IGF2BP3: variants seen among roughly 807,000 people sequenced by gnomAD.
IGF2BP3 encodes insulin like growth factor 2 mRNA binding protein 3.
IGF2BP3 carries 9 observed loss-of-function variants against 73.8 expected under a neutral mutation model. That is an observed-to-expected ratio of 0.12 (90% confidence interval 0.07 to 0.21). IGF2BP3 has a LOEUF of 0.21. Ranked by LOEUF, IGF2BP3 falls within the 10% of genes least tolerant of loss-of-function variation. IGF2BP3 has a pLI of 1.00. For missense variants in IGF2BP3, 542 were observed against 714.0 expected, an observed-to-expected ratio of 0.76 and a Z score of 2.75; for synonymous variants, 258 against 256.7, an observed-to-expected ratio of 1.01 and a Z score of -0.05.
intron 10 of IGF2BP3, among the ~76,000 whole-genome samples, chr7:23,340,267 T>C (rs1366481279): frequency 6.6e-6 from 1 of 152,142 alleles, no homozygotes; most frequent in Non-Finnish European, 1.5e-5. Context: ...TTCTGTTACA[T>C]GATTTCCAGG....
At chr7:23,441,687 T>C (rs1406887398) in intron 2 of IGF2BP3, among the ~76,000 whole-genome samples, 1 of 147,224 alleles carries the variant, frequency 6.8e-6, no homozygotes, top group African/African-American at 2.5e-5. Context: ...CTACCAGAAA[T>C]TGCAAATTAC....
intron 3 of IGF2BP3, among the ~76,000 whole-genome samples, chr7:23,412,748 T>C (rs1787063811): frequency 6.6e-6 from 1 of 151,588 alleles, no homozygotes; most frequent in Non-Finnish European, 1.5e-5. Flanking sequence ...ATTTTTTGAG[T>C]ACTTATTAGG....
intron 3 of IGF2BP3, among the ~76,000 whole-genome samples, chr7:23,374,990 T>C (rs750454784): frequency 3.3e-5 from 5 of 152,222 alleles, no homozygotes; most frequent in Non-Finnish European, 5.9e-5. Flanking sequence ...TTTTATATTA[T>C]GTGAATTTCT....
chr7:23,377,824 G>C (rs982209710), intron 3 of IGF2BP3, among the ~76,000 whole-genome samples: 7 of 152,160 alleles, frequency 4.6e-5, no homozygotes, highest in African/African-American at 1.7e-4. Context: ...AAAATATTAT[G>C]CTAAGTGAAG....
At chr7:23,439,820 T>C (rs572171305) in intron 2 of IGF2BP3, among the ~76,000 whole-genome samples, 6 of 152,248 alleles carry the variant, frequency 3.9e-5, no homozygotes, top group Non-Finnish European at 5.9e-5. Flanking sequence ...GCACCAAAGA[T>C]AGAAACAAAT....
At chr7:23,458,440 G>A (rs1162806415) in intron 2 of IGF2BP3, among the ~76,000 whole-genome samples, 1 of 151,620 alleles carries the variant, frequency 6.6e-6, no homozygotes, top group Non-Finnish European at 1.5e-5. Context: ...TTTTCTGCAT[G>A]TCAGGGTCAT....
intron 3 of IGF2BP3, among the ~76,000 whole-genome samples, chr7:23,410,360 A>G (rs977744139): frequency 6.6e-6 from 1 of 152,184 alleles, no homozygotes; most frequent in Non-Finnish European, 1.5e-5. Context: ...TTCTGTCTCA[A>G]TCAACTGATA....
chr7:23,338,925 A>ATTGTATCAC (rs1447399344), intron 10 of IGF2BP3, among the ~76,000 whole-genome samples: 1 of 152,254 alleles, frequency 6.6e-6, no homozygotes, highest in Non-Finnish European at 1.5e-5. Context: ...TGAGAACTCC[A>ATTGTATCAC]TTGTATCACT....
At chr7:23,438,338 T>C (rs1352116865) in intron 2 of IGF2BP3, among the ~76,000 whole-genome samples, 4 of 152,292 alleles carry the variant, frequency 2.6e-5, no homozygotes, top group African/African-American at 9.6e-5. Flanking sequence ...GGTCTTGAAT[T>C]CCTGAGCTTA....
intron 3 of IGF2BP3, among the ~76,000 whole-genome samples, chr7:23,380,243 A>G (rs568802226): frequency 7.0e-6 from 1 of 142,872 alleles, no homozygotes; most frequent in South Asian, 2.2e-4. Context: ...AGCTCACTGC[A>G]ACCTCCGCCT....
chr7:23,351,380 G>A lies in IGF2BP3; in HGVS notation c.608C>T (p.Pro203Leu). ...PCDLPLRLLV[P>L]TQFVGAIIGK... is the part of the protein sequence containing the mutation. ...TATGATGGCTCCAACAAATTGGGTG[G>A]GAACCAGCAGGCGCAGAGGCAAATC... is the stretch of plus-strand genomic sequence containing the variant. The change falls in exon 6 of 15, where the codon CCC becomes CTC. Residue 203 changes from proline to leucine, a missense_variant. Transcript: ENST00000258729. The A allele has an allele frequency of 1.9e-6, 3 of 1,613,934 alleles. No individual in the cohort carries two copies. The highest frequency in any genetic ancestry group is 2.5e-6 in the Non-Finnish European group (3 of 1,179,954).
intron 3 of IGF2BP3, among the ~76,000 whole-genome samples, chr7:23,403,951 T>C (rs923230085): frequency 6.6e-6 from 1 of 151,416 alleles, no homozygotes; most frequent in Non-Finnish European, 1.5e-5. Flanking sequence ...AGCAAGACCC[T>C]GTTTGTAAAA....
chr7:23,409,167 C>T (rs1211120816), intron 3 of IGF2BP3, among the ~76,000 whole-genome samples: 1 of 152,202 alleles, frequency 6.6e-6, no homozygotes, highest in Non-Finnish European at 1.5e-5. Context: ...TCACTTGCCA[C>T]TCACCTCCTG....
At chr7:23,412,786 G>A (rs976845134) in intron 3 of IGF2BP3, among the ~76,000 whole-genome samples, 6 of 132,266 alleles carry the variant, frequency 4.5e-5, no homozygotes, top group African/African-American at 1.1e-4. Context: ...CTGGAGAGTA[G>A]TTTCAAGGAA....
rs1330506825 is a variant in IGF2BP3 at position 23,400,385 on chromosome 7, C to G, written c.285+18391G>C. ...AGGTGGTTTTGGACTTAGAGAGCCA[C>G]AGCTGACCTTGTCCTGCTCCTCCAG... On this transcript the variant is annotated intron_variant, in intron 3 of 14. Transcript: ENST00000258729. Among the ~76,000 whole-genome samples the G allele has an allele frequency of 2.0e-5, 3 of 152,178 alleles. No homozygotes were observed. The East Asian group carries it at 5.8e-4, about 29-fold the overall frequency.
intron 13 of IGF2BP3, 50 bp from the exon 14 acceptor site, chr7:23,312,898 C>G: frequency 8.7e-7 from 1 of 1,147,706 alleles, no homozygotes; most frequent in Non-Finnish European, 1.3e-6. Context: ...TAAAACCTTA[C>G]TTCCTAAGCA....
chr7:23,311,645 A>G lies in IGF2BP3; in HGVS notation c.*717T>C, dbSNP rs556262891. ...TTTTCCAGCTTTACTGTCACCAGCC[A>G]GAAGTAAAAATCTTAATTTGCCTGT... is the stretch of plus-strand genomic sequence containing the variant. On this transcript the variant is annotated 3_prime_UTR_variant, in exon 15 of 15. Coordinates refer to ENST00000258729, the MANE Select transcript of IGF2BP3 (RefSeq NM_006547.3). 4 of 152,536 alleles carry G rather than the reference A, an allele frequency of 2.6e-5. No individual in the cohort carries two copies. Among genetic ancestry groups the G allele is most frequent in the Non-Finnish European group, 4.4e-5 (3 of 68,042 alleles). The allele number at this position is 152,536 out of a possible 1,614,324, so 9.4% of individuals were successfully genotyped here.
chr7:23,369,045 C>T (rs1785470809), intron 3 of IGF2BP3, among the ~76,000 whole-genome samples: 1 of 152,146 alleles, frequency 6.6e-6, no homozygotes, highest in Admixed American at 6.5e-5. Flanking sequence ...GCCTTTTAAA[C>T]TCTGAAGTAT....
At chr7:23,446,986 T>G (rs1215757260) in intron 2 of IGF2BP3, among the ~76,000 whole-genome samples, 1 of 151,870 alleles carries the variant, frequency 6.6e-6, no homozygotes, top group Non-Finnish European at 1.5e-5. Flanking sequence ...GAGGATCACT[T>G]GAGGTCAGGA....
Sources: gnomAD v4.1 joint callset for allele counts (sites outside exome capture counted in the v4.1 genomes callset) on GRCh38, gnomAD v4.1.1 for gene constraint, MANE v1.5 for transcripts, NCBI Gene and HGNC (gene_info 2026-07-23, HGNC 2026-07-21) for gene names.